Variants in MGAT4C observed in about 807,000 individuals in gnomAD.
MGAT4C encodes alpha-1,3-mannosyl-glycoprotein 4-beta-N-acetylglucosaminyltransferase C.
MGAT4C carries 19 observed loss-of-function variants against 40.1 expected under a neutral mutation model. The observed-to-expected ratio is 0.47, with a 90% CI of 0.33 to 0.70. The LOEUF (loss-of-function observed/expected upper bound fraction) is 0.70. Ranked by LOEUF, MGAT4C falls within the 30% of genes least tolerant of loss-of-function variation. MGAT4C has a pLI of 0.02. For missense variants in MGAT4C, 491 were observed against 563.2 expected (o/e 0.87, Z 1.30); for synonymous variants, 181 against 187.1 (o/e 0.97, Z 0.27).
chr12:86,486,215 T>C (rs1592904947), intron 2 of MGAT4C, among the ~76,000 whole-genome samples: 1 of 152,212 alleles, frequency 6.6e-6, no homozygotes, highest in Admixed American at 6.5e-5. Flanking sequence ...ATATCAATAC[T>C]ACCCTGGAAC....
chr12:86,747,795 G>T (rs1001259510), intron 1 of MGAT4C, among the ~76,000 whole-genome samples: 1 of 151,380 alleles, frequency 6.6e-6, no homozygotes, highest in African/African-American at 2.4e-5. Context: ...AAAAAAGCTG[G>T]TAATAACTGG....
intron 1 of MGAT4C, among the ~76,000 whole-genome samples, chr12:86,091,010 C>T (rs1263592888): frequency 6.6e-6 from 1 of 151,632 alleles, no homozygotes; most frequent in African/African-American, 2.4e-5. Context: ...TTTTATCTTC[C>T]CTTTTCCTGT....
intron 3 of MGAT4C, among the ~76,000 whole-genome samples, chr12:86,345,918 GTTTCC>G (rs1955021766): frequency 6.6e-6 from 1 of 152,160 alleles, no homozygotes; most frequent in Non-Finnish European, 1.5e-5. Flanking sequence ...AGCACCTGTT[GTTTCC>G]TGACTTTTTA....
At chr12:86,416,013 A>T (rs769252510) in intron 3 of MGAT4C, among the ~76,000 whole-genome samples, 4 of 152,056 alleles carry the variant, frequency 2.6e-5, no homozygotes, top group African/African-American at 9.6e-5. Context: ...TGCTATTTAG[A>T]GGGGAAAATA....
In MGAT4C at chr12:86,107,110, G is replaced by T. The variant is rs1399278996; in HGVS notation, c.-56-57387C>A. Among the ~76,000 whole-genome samples the T allele has an allele frequency of 2.0e-5, 3 of 152,138 alleles. No homozygotes were observed. The East Asian group carries it at 5.8e-4, about 29-fold the overall frequency. On this transcript the variant is annotated intron_variant, in intron 1 of 4. Transcript: ENST00000611864. ...CTAAAAAAAAGCTTTTATACTTACA[G>T]ATTTTGCTTCAGTAAATGTGTATCT...
At chr12:86,270,212 G>A (rs1952908703) in intron 4 of MGAT4C, among the ~76,000 whole-genome samples, 1 of 152,022 alleles carries the variant, frequency 6.6e-6, no homozygotes, top group Admixed American at 6.5e-5. Context: ...GATTACAGGT[G>A]CACACCGCCA....
At chr12:86,572,761 A>G (rs1168201208) in intron 2 of MGAT4C, among the ~76,000 whole-genome samples, 1 of 151,998 alleles carries the variant, frequency 6.6e-6, no homozygotes, top group Non-Finnish European at 1.5e-5. Flanking sequence ...GGCTCTCCCA[A>G]CCTTAATCAG....
chr12:86,662,358 T>C (rs1410132415), intron 2 of MGAT4C, among the ~76,000 whole-genome samples: 1 of 152,224 alleles, frequency 6.6e-6, no homozygotes, highest in African/African-American at 2.4e-5. Context: ...AAAATTCATA[T>C]GTGTTTATTA....
At chr12:86,176,455 A>G (rs1200004566) in intron 1 of MGAT4C, among the ~76,000 whole-genome samples, 1 of 152,146 alleles carries the variant, frequency 6.6e-6, no homozygotes, top group African/African-American at 2.4e-5. Flanking sequence ...ACTTACCAAA[A>G]TGTAATTAGC....
intron 2 of MGAT4C, among the ~76,000 whole-genome samples, chr12:86,657,083 A>G (rs1963868701): frequency 6.6e-6 from 1 of 152,056 alleles, no homozygotes; most frequent in Non-Finnish European, 1.5e-5. Context: ...AAAAGTGAGA[A>G]GCAGAAAGTT....
intron 2 of MGAT4C, among the ~76,000 whole-genome samples, chr12:86,483,962 CTG>C (rs958050531): frequency 6.6e-5 from 10 of 151,462 alleles, no homozygotes; most frequent in African/African-American, 2.4e-4. Context: ...AAGGTAAACA[CTG>C]TGGCTAAAGA....
chr12:86,209,713 A>C (rs1348931589), intron 1 of MGAT4C, among the ~76,000 whole-genome samples: 2 of 152,138 alleles, frequency 1.3e-5, no homozygotes, highest in Non-Finnish European at 2.9e-5. Context: ...ATTAAAGAGG[A>C]AGTGGATGAA....
chr12:86,038,967 GT>G (rs147676532), intron 2 of MGAT4C, among the ~76,000 whole-genome samples: 1 of 147,740 alleles, frequency 6.8e-6, no homozygotes, highest in African/African-American at 2.5e-5. Flanking sequence ...TCTGCAAAAG[GT>G]TTTTTTTCTC....
At chr12:86,295,232 A>C (rs2136132663) in intron 4 of MGAT4C, among the ~76,000 whole-genome samples, 1 of 152,322 alleles carries the variant, frequency 6.6e-6, no homozygotes, top group South Asian at 2.1e-4. Flanking sequence ...TTCTAGCCTT[A>C]GTATTCTCTT....
Position 86,825,930 on chromosome 12 carries a change from C to T in MGAT4C, c.-262+12736G>A, listed in dbSNP as rs535769139. The stretch of plus-strand genomic sequence containing the variant: ...AGGAAAGAGAATAAAATAATTTTCT[C>T]CAAAAGAGACTGTAGTATAAGGACA... On this transcript the variant is annotated intron_variant, in intron 1 of 7. Transcript: ENST00000548651. Among the ~76,000 whole-genome samples the T allele has an allele frequency of 1.4e-4, 21 of 151,444 alleles. No homozygotes were observed. The East Asian group carries it at 3.9e-3, about 28-fold the overall frequency.
intron 2 of MGAT4C, among the ~76,000 whole-genome samples, chr12:86,633,932 A>C (rs1199255170): frequency 6.6e-6 from 1 of 151,924 alleles, no homozygotes; most frequent in Non-Finnish European, 1.5e-5. Context: ...TTATTATCGC[A>C]ATGGGCAACA....
At position 86,778,345 on chromosome 12, in the gene MGAT4C, C is replaced by T. The variant is rs566149392; in HGVS notation, c.-261-51104G>A. On this transcript the variant is annotated intron_variant, in intron 1 of 7. Coordinates refer to the MGAT4C transcript ENST00000548651. ...AGAGAAGATGTATAATTTTAGACAA[C>T]TTGTTTAGATGCATTCTACAAAAGA... is the stretch of plus-strand genomic sequence containing the variant. 2.0e-5 allele frequency among the ~76,000 whole-genome samples: 3 copies of T among 152,232 alleles called. No individual in the cohort carries two copies. The South Asian group carries it at 6.2e-4, about 32-fold the overall frequency.
chr12:86,301,457 G>A (rs1953810308), intron 4 of MGAT4C, among the ~76,000 whole-genome samples: 1 of 152,160 alleles, frequency 6.6e-6, no homozygotes, highest in Non-Finnish European at 1.5e-5. Flanking sequence ...CTACAAATCA[G>A]TAGTACTCTA....
intron 1 of MGAT4C, among the ~76,000 whole-genome samples, chr12:86,728,987 A>C (rs1177685318): frequency 6.6e-6 from 1 of 152,210 alleles, no homozygotes; most frequent in Non-Finnish European, 1.5e-5. Flanking sequence ...CTTTCTAGTA[A>C]TAGAATAATT....
Sources: gnomAD v4.1 joint callset for allele counts (sites outside exome capture counted in the v4.1 genomes callset) on GRCh38, gnomAD v4.1.1 for gene constraint, MANE v1.5 for transcripts, NCBI Gene and HGNC (gene_info 2026-07-23, HGNC 2026-07-21) for gene names.